Variants in LMX1B observed in about 807,000 individuals in gnomAD.
The protein encoded by LMX1B is LIM homeobox transcription factor 1-beta.
In LMX1B, 12 loss-of-function variants were observed where a neutral mutation model predicts 51.4. The observed-to-expected ratio is 0.23, with a 90% CI of 0.15 to 0.38. LMX1B has a LOEUF of 0.38. LMX1B is among the 10% of genes least tolerant of loss of function. The pLI is 1.00. For synonymous variants in LMX1B, 237 were observed against 235.4 expected (o/e 1.01, Z -0.06); for missense variants, 445 against 571.1 (o/e 0.78, Z 2.25).
intron 2 of LMX1B, among the ~76,000 whole-genome samples, chr9:126,684,023 C>T (rs941977712): frequency 2.0e-5 from 3 of 152,116 alleles, no homozygotes; most frequent in Admixed American, 6.5e-5. Context: ...AACTCCATGC[C>T]CCAAGTCCAT....
chr9:126,614,159 G>T lies in LMX1B; in HGVS notation c.-291G>T, dbSNP rs1835250126. ...CCTCCCCGCGGCTCCGTCTGCAGCA[G>T]CCGCCGCCGCCGGGTTCCGGGACTG... On this transcript the variant is annotated 5_prime_UTR_variant, in exon 1 of 8. Coordinates refer to ENST00000373474, the MANE Select transcript of LMX1B (RefSeq NM_001174147.2). Among the ~76,000 whole-genome samples, 1 of 144,472 alleles carries T rather than the reference G, an allele frequency of 6.9e-6. No individual in the cohort carries two copies. The highest frequency in any genetic ancestry group is 2.5e-5 in the African/African-American group (1 of 40,322). 94.8% of individuals were successfully genotyped at this position (144,472 alleles called of 152,430 possible).
intron 2 of LMX1B, among the ~76,000 whole-genome samples, chr9:126,616,007 G>T (rs763650354): frequency 9.2e-5 from 14 of 152,240 alleles, no homozygotes; most frequent in Non-Finnish European, 1.3e-4. Flanking sequence ...GGAGCCAGGA[G>T]GTGGAGTGCT....
At position 126,618,972 on chromosome 9, in the gene LMX1B, C is replaced by G. The variant is rs760986306; in HGVS notation, c.326+3403C>G. Among the ~76,000 whole-genome samples, 1 of 151,968 alleles carries G rather than the reference C, an allele frequency of 6.6e-6. No individual in the cohort carries two copies. Among genetic ancestry groups the G allele is most frequent in the Non-Finnish European group, 1.5e-5 (1 of 67,960 alleles). On this transcript the variant is annotated intron_variant, in intron 2 of 7. Transcript: ENST00000373474. The surrounding 1 kb of genome is among the most constrained non-coding windows in gnomAD (Gnocchi z 4.5). ...CGCTCCTACCTCGGCGGCGGGGCCG[C>G]GGCGTCCTTCCGCCCGCAGGGCCTG...
intron 2 of LMX1B, among the ~76,000 whole-genome samples, chr9:126,628,600 A>G (rs1472548027): frequency 6.6e-6 from 1 of 152,208 alleles, no homozygotes; most frequent in East Asian, 1.9e-4. Flanking sequence ...TCATTTTCCC[A>G]GAGATCTGAA....
intron 2 of LMX1B, among the ~76,000 whole-genome samples, chr9:126,659,252 G>A (rs1032285310): frequency 1.1e-4 from 16 of 152,206 alleles, no homozygotes; most frequent in Non-Finnish European, 2.2e-4. Flanking sequence ...CACCAGTGCT[G>A]GGCAGGTGGT....
intron 2 of LMX1B, among the ~76,000 whole-genome samples, chr9:126,679,861 C>A (rs1414558404): frequency 6.6e-6 from 1 of 152,166 alleles, no homozygotes; most frequent in Non-Finnish European, 1.5e-5. Context: ...CATTCCCATC[C>A]CAGCCCCAAC....
chr9:126,691,518 G>A (rs115537108), intron 3 of LMX1B, among the ~76,000 whole-genome samples: 1,743 of 152,278 alleles, frequency 0.011, 28 homozygotes, highest in African/African-American at 0.032. Context: ...CTAAACACCG[G>A]TCCACATGGC....
chr9:126,621,242 G>A (rs1344384437), intron 2 of LMX1B, among the ~76,000 whole-genome samples: 4 of 152,252 alleles, frequency 2.6e-5, no homozygotes, highest in African/African-American at 4.8e-5. Context: ...GAGGGAGGAA[G>A]GGAGGGATAG....
chr9:126,614,100 G>T lies in LMX1B; in HGVS notation c.-350G>T, dbSNP rs1195234784. Among the ~76,000 whole-genome samples, 1 of 72,202 alleles carries T rather than the reference G, an allele frequency of 1.4e-5. No individual in the cohort carries two copies. The highest frequency in any genetic ancestry group is 4.6e-5 in the African/African-American group (1 of 21,568). 47.4% of individuals were successfully genotyped at this position (72,202 alleles called of 152,430 possible). ...TGCACCCCCACCCCCTCCCCCGCCT[G>T]CCGCCGCCGCCACCGCCACCGCCGC... is the stretch of plus-strand genomic sequence containing the variant. On this transcript the variant is annotated 5_prime_UTR_variant, in exon 1 of 8. Transcript: ENST00000373474.
intron 2 of LMX1B, among the ~76,000 whole-genome samples, chr9:126,628,993 TAAA>T (rs56065931): frequency 6.7e-6 from 1 of 148,520 alleles, no homozygotes. Flanking sequence ...TCAATTAGAT[TAAA>T]AAAAAAAAAA....
At chr9:126,642,736 A>G (rs1008161808) in intron 2 of LMX1B, among the ~76,000 whole-genome samples, 2 of 152,210 alleles carry the variant, frequency 1.3e-5, no homozygotes, top group African/African-American at 4.8e-5. Flanking sequence ...GCTTCTGTTG[A>G]TCATCTTAGA....
intron 2 of LMX1B, among the ~76,000 whole-genome samples, chr9:126,637,240 G>C (rs977507472): frequency 1.3e-5 from 2 of 152,210 alleles, no homozygotes; most frequent in Admixed American, 6.5e-5. Context: ...GGGGACTCTG[G>C]CTTATTCTTC....
chr9:126,621,662 T>C lies in LMX1B; in HGVS notation c.326+6093T>C, dbSNP rs1368608042. Among the ~76,000 whole-genome samples, 6 of 12,718 alleles carry C rather than the reference T, an allele frequency of 4.7e-4. No homozygotes were observed. In the Non-Finnish European group the frequency reaches 0.027, roughly 57 times the overall value. The allele number at this position is 12,718 out of a possible 152,430, so 8.3% of individuals were successfully genotyped here. A position where few individuals can be genotyped will look rare whatever the true frequency, so the allele number is the denominator to read the frequency against. Reference sequence around the variant, plus strand: ...TTTCTCTCTCTCTCTCTTCTTTTTTTTTTTTTTTTTTTTTTTTTTGCAGTA... The same window carrying C: ...TTTCTCTCTCTCTCTCTTCTTTTTTCTTTTTTTTTTTTTTTTTTTGCAGTA... On this transcript the variant is annotated intron_variant, in intron 2 of 7. Transcript: ENST00000373474.
At chr9:126,661,488 C>T (rs1208284090) in intron 2 of LMX1B, among the ~76,000 whole-genome samples, 6 of 152,180 alleles carry the variant, frequency 3.9e-5, no homozygotes, top group Admixed American at 2.0e-4. Context: ...AGCACATGGT[C>T]GCTGTCTGTT....
chr9:126,695,866 T>C lies in LMX1B; in HGVS notation c.914T>C (p.Met305Thr), dbSNP rs766873884. 3.1e-6 allele frequency: 5 copies of C among 1,613,076 alleles called. No individual in the cohort carries two copies. The highest frequency in any genetic ancestry group is 4.2e-6 in the Non-Finnish European group (5 of 1,179,720). Residue 305 changes from methionine (M) to threonine (T), a missense_variant, in exon 7 of 8, where the codon ATG (methionine) becomes ACG (threonine). Physicochemically the swap from Met to Thr is moderately conservative, Grantham distance 81. Around this residue, in one of 3 missense-constraint regions of LMX1B, gnomAD observed 162 missense variants for 187.8 expected, o/e 0.86. Transcript: ENST00000373474. The surrounding 1 kb of genome is among the most constrained non-coding windows in gnomAD (Gnocchi z 5.2). ...QEVLSSRMEG[M>T]MASYTPLAPP... ...GTCCTGTCCAGCCGCATGGAGGGCA[T>C]GATGGCTTCCTACACGCCGCTGGCC...
Position 126,693,784 on chromosome 9 carries a change from G to T in LMX1B, c.858G>T (p.Glu286Asp). The change falls in exon 6 of 8, where the codon GAG becomes GAT. Residue 286 changes from glutamate to aspartate, a missense_variant. Around this residue, in one of 3 missense-constraint regions of LMX1B, gnomAD observed 162 missense variants for 187.8 expected, o/e 0.86. Transcript: ENST00000373474. ...KLARRHQQQQEQQNSQRLGQE... is the reference protein window; with the variant it reads ...KLARRHQQQQDQQNSQRLGQE... ...CGCGGCGGCACCAGCAGCAGCAGGA[G>T]CAGCAGAACTCCCAGCGGCTGGGCC... The T allele has an allele frequency of 6.9e-7, 1 of 1,448,440 alleles. No homozygotes were observed. 89.7% of individuals were successfully genotyped at this position (1,448,440 alleles called of 1,614,324 possible).
chr9:126,646,856 A>G (rs1835912288), intron 2 of LMX1B, among the ~76,000 whole-genome samples: 1 of 152,140 alleles, frequency 6.6e-6, no homozygotes, highest in South Asian at 2.1e-4. Flanking sequence ...ACATTGAACA[A>G]CCGGCTCCTA....
chr9:126,659,786 C>T (rs1367659731), intron 2 of LMX1B, among the ~76,000 whole-genome samples: 3 of 151,926 alleles, frequency 2.0e-5, no homozygotes, highest in African/African-American at 4.8e-5. Flanking sequence ...GGAATGTCTA[C>T]ACTGGCTTCA....
In LMX1B at chr9:126,696,487, C is replaced by T. The variant is rs1286574675; in HGVS notation, c.*36C>T. On this transcript the variant is annotated 3_prime_UTR_variant, in exon 8 of 8. Transcript: ENST00000373474. The stretch of plus-strand genomic sequence containing the variant: ...GGCGCACGGACGCTTGGGCAGGGGC[C>T]TGGGGGGGACTGCCAGCCTCTGCGG... 2 of 1,612,110 alleles carry T rather than the reference C, an allele frequency of 1.2e-6. No homozygotes were observed. Among genetic ancestry groups the T allele is most frequent in the East Asian group, 2.2e-5 (1 of 44,842 alleles).
Sources: gnomAD v4.1 joint callset for allele counts (sites outside exome capture counted in the v4.1 genomes callset) on GRCh38, gnomAD v4.1.1 for gene constraint, gnomAD v4.1.1 regional missense constraint, Gnocchi (gnomAD v3.1) non-coding constraint, MANE v1.5 for transcripts, NCBI Gene and HGNC (gene_info 2026-07-23, HGNC 2026-07-21) for gene names.